Variants in NUP133 observed in about 807,000 individuals in gnomAD.
NUP133 encodes nuclear pore complex protein Nup133.
In NUP133, 66 loss-of-function variants were observed where a neutral mutation model predicts 146.2. The observed-to-expected ratio is 0.45, with a 90% CI of 0.37 to 0.55. NUP133 has a LOEUF of 0.55. Among genes scored for constraint, NUP133 ranks in the 20% least tolerant of loss-of-function variants. NUP133 has a pLI of 0.00. For missense variants in NUP133, 1,277 were observed against 1,374.8 expected (o/e 0.93, Z 1.12); for synonymous variants, 521 against 498.8 (o/e 1.04, Z -0.59).
rs1313472479 is a variant in NUP133 at position 229,499,673 on chromosome 1, C to A, written c.648+11G>T. 1 of 1,598,470 alleles carries A rather than the reference C, an allele frequency of 6.3e-7. No individual in the cohort carries two copies. Among genetic ancestry groups the A allele is most frequent in the East Asian group, 2.2e-5 (1 of 44,768 alleles). The stretch of plus-strand genomic sequence containing the variant: ...CTTTCCAATAAATATAAAGGAATAT[C>A]CGTGGTATACCTGCACTGCTGTTAG... On this transcript the variant is annotated intron_variant, in intron 5 of 25. Coordinates refer to ENST00000261396, the MANE Select transcript of NUP133 (RefSeq NM_018230.3).
rs760495537 is a variant in NUP133 at position 229,495,951 on chromosome 1, G to A, written c.916C>T (p.His306Tyr). The A allele has an allele frequency of 1.7e-5, 28 of 1,611,526 alleles. No homozygotes were observed. Among genetic ancestry groups the A allele is most frequent in the Non-Finnish European group, 2.3e-5 (27 of 1,178,910 alleles). The change falls in exon 7 of 26, where the codon CAT (histidine) becomes TAT (tyrosine). Residue 306 changes from histidine to tyrosine, a missense_variant. His to Tyr is a moderately conservative substitution (Grantham distance 83). Transcript: ENST00000261396. ...CTATTTATATCCCAACTGTATGCATGCTTTTCTGAAGAATCATCTAATTCC... is the reference window on the plus strand; with the variant it reads ...CTATTTATATCCCAACTGTATGCATACTTTTCTGAAGAATCATCTAATTCC... ...KWELDDSSEKHAYSWDINRAL... is the reference protein window; with the variant it reads ...KWELDDSSEKYAYSWDINRAL...
chr1:229,464,953 T>C (rs914939127), intron 17 of NUP133, 78 bp from the exon 18 acceptor site: 1 of 1,532,790 alleles, frequency 6.5e-7, no homozygotes, highest in Admixed American at 1.8e-5. Context: ...AGCATAAAAA[T>C]TATGCCTCTT....
At chr1:229,473,354 A>G (rs1252720639) in intron 14 of NUP133, among the ~76,000 whole-genome samples, 1 of 152,168 alleles carries the variant, frequency 6.6e-6, no homozygotes, top group Non-Finnish European at 1.5e-5. Context: ...CTAAATATTA[A>G]AGGAAATAGA....
chr1:229,463,758 T>C, intron 18 of NUP133, 82 bp from the exon 19 acceptor site: 1 of 1,383,950 alleles, frequency 7.2e-7, no homozygotes, highest in Non-Finnish European at 9.7e-7. Context: ...TGAAATTTTA[T>C]CTTTATTCCT....
In NUP133 at chr1:229,465,516, T is replaced by C; in HGVS notation, c.2203A>G (p.Met735Val). The C allele has an allele frequency of 6.2e-7, 1 of 1,612,086 alleles. No homozygotes were observed. Among genetic ancestry groups the C allele is most frequent in the Non-Finnish European group, 8.5e-7 (1 of 1,178,500 alleles). ...VINVNNILKDMLQAASHYRQN... is the reference protein window; with the variant it reads ...VINVNNILKDVLQAASHYRQN... ...CGATAATGACTAGCAGCCTGCAGCATATCCTGGAAAAAAAGTTAATGTGTT... is the reference window on the plus strand; with the variant it reads ...CGATAATGACTAGCAGCCTGCAGCACATCCTGGAAAAAAAGTTAATGTGTT... The change falls in exon 17 of 26, where the codon ATG (methionine) becomes GTG (valine). Residue 735 changes from methionine (M) to valine (V), a missense_variant. Physicochemically the swap from Met to Val is conservative, Grantham distance 21. Around this residue, in one of 3 missense-constraint regions of NUP133, gnomAD observed 952 missense variants for 1,047.0 expected, o/e 0.91. Transcript: ENST00000261396.
At chr1:229,464,582 A>G in intron 18 of NUP133, 42 bp downstream of exon 18, 2 of 1,602,642 alleles carry the variant, frequency 1.2e-6, no homozygotes, top group South Asian at 1.1e-5. Flanking sequence ...CCTTTCATCC[A>G]TTCAGCAAAT....
rs367600708 is a variant in NUP133 at position 229,489,902 on chromosome 1, A to G, written c.1194+53T>C. ...AAATAAATAAGACCCTGAAATGGTT[A>G]GAAAAATACTCAACATATTATTGCT... On this transcript the variant is annotated intron_variant, in intron 9 of 25. Transcript: ENST00000261396. The G allele has an allele frequency of 4.2e-6, 6 of 1,437,208 alleles. No homozygotes were observed. In the African/African-American group the frequency reaches 7.2e-5, roughly 17 times the overall value. 89.0% of individuals were successfully genotyped at this position (1,437,208 alleles called of 1,614,324 possible).
chr1:229,493,836 G>GA (rs1661585363), intron 8 of NUP133, among the ~76,000 whole-genome samples: 1 of 152,118 alleles, frequency 6.6e-6, no homozygotes, highest in South Asian at 2.1e-4. Flanking sequence ...AAAACTATGT[G>GA]AAAAATGTCT....
At chr1:229,481,073 A>G (rs1661200256) in intron 12 of NUP133, among the ~76,000 whole-genome samples, 1 of 152,040 alleles carries the variant, frequency 6.6e-6, no homozygotes, top group Non-Finnish European at 1.5e-5. Context: ...CTACATCTTT[A>G]AGAGAGCTAG....
chr1:229,483,251 C>A (rs901461142), intron 12 of NUP133, among the ~76,000 whole-genome samples: 2 of 152,090 alleles, frequency 1.3e-5, no homozygotes, highest in African/African-American at 4.8e-5. Flanking sequence ...GCGTGCATCA[C>A]CATGCCCGGC....
chr1:229,503,278 AAAAC>A (rs1432920897), intron 2 of NUP133, among the ~76,000 whole-genome samples: 1 of 152,170 alleles, frequency 6.6e-6, no homozygotes, highest in African/African-American at 2.4e-5. Flanking sequence ...ACTCTGTCTC[AAAAC>A]AAACAAACAA....
intron 22 of NUP133, 80 bp downstream of exon 22, chr1:229,452,445 G>C: frequency 9.7e-7 from 1 of 1,028,432 alleles, no homozygotes; most frequent in Admixed American, 2.3e-5. Flanking sequence ...CTCCTCTTAG[G>C]AACTATACTA....
intron 25 of NUP133, among the ~76,000 whole-genome samples, chr1:229,443,290 T>C (rs1158162886): frequency 1.3e-5 from 2 of 151,904 alleles, no homozygotes; most frequent in Non-Finnish European, 2.9e-5. Flanking sequence ...TTCTCCTGCC[T>C]CGGCCTCCCA....
intron 1 of NUP133, among the ~76,000 whole-genome samples, chr1:229,507,723 G>A (rs1211927062): frequency 5.3e-5 from 8 of 152,184 alleles, no homozygotes; most frequent in Admixed American, 5.2e-4. Context: ...TGGCTCAGGT[G>A]AGATATATTA....
chr1:229,467,031 G>A (rs1018199951), intron 15 of NUP133, among the ~76,000 whole-genome samples: 1 of 152,126 alleles, frequency 6.6e-6, no homozygotes, highest in African/African-American at 2.4e-5. Flanking sequence ...TAGCTACTCT[G>A]CTCAGTGCAT....
chr1:229,484,568 T>C (rs75666327), intron 11 of NUP133, among the ~76,000 whole-genome samples: 4,101 of 152,224 alleles, frequency 0.027, 177 homozygotes, highest in African/African-American at 0.091. Flanking sequence ...GTACAGGTAA[T>C]TCAGGGATTA....
In NUP133 at chr1:229,476,726, C is replaced by T. The variant is rs193218114; in HGVS notation, c.1756+871G>A. ...ACCACCTGAGGTCAGGAGTTCAAGA[C>T]CAGCCTGGCCAACATGGTAAAACTA... On this transcript the variant is annotated intron_variant, in intron 13 of 25. Transcript: ENST00000261396. 5.9e-5 allele frequency among the ~76,000 whole-genome samples: 9 copies of T among 151,876 alleles called. No individual in the cohort carries two copies. The South Asian group carries it at 1.0e-3, about 18-fold the overall frequency.
chr1:229,481,134 A>C (rs955699945), intron 12 of NUP133, among the ~76,000 whole-genome samples: 3 of 152,018 alleles, frequency 2.0e-5, no homozygotes, highest in African/African-American at 7.2e-5. Flanking sequence ...TACTTCACCC[A>C]TGTTGGGCAG....
At chr1:229,464,385 T>C (rs893565293) in intron 18 of NUP133, among the ~76,000 whole-genome samples, 2 of 152,200 alleles carry the variant, frequency 1.3e-5, no homozygotes, top group Non-Finnish European at 2.9e-5. Flanking sequence ...TTAAGGGTAG[T>C]CTCCACATGT....
Sources: gnomAD v4.1 joint callset for allele counts (sites outside exome capture counted in the v4.1 genomes callset) on GRCh38, gnomAD v4.1.1 for gene constraint, gnomAD v4.1.1 regional missense constraint, MANE v1.5 for transcripts, NCBI Gene and HGNC (gene_info 2026-07-23, HGNC 2026-07-21) for gene names.